TSC22D1: variants seen among roughly 807,000 people sequenced by gnomAD.
TSC22D1 encodes the protein TSC22 domain family member 1, also known as TSC22 domain family protein 1.
TSC22D1 carries 9 observed loss-of-function variants against 74.2 expected under a neutral mutation model. That is an observed-to-expected ratio of 0.12 (90% CI 0.07 to 0.21). TSC22D1 has a LOEUF of 0.21. TSC22D1 is among the 10% of genes least tolerant of loss of function. The pLI, the probability that TSC22D1 is intolerant of heterozygous loss-of-function variation, is 1.00. For missense variants in TSC22D1, 1,427 were observed against 1,304.7 expected (o/e 1.09, Z -1.44); for synonymous variants, 586 against 492.5 (o/e 1.19, Z -2.51).
chr13:44,519,178 A>T (rs1275647638), intron 1 of TSC22D1, among the ~76,000 whole-genome samples: 1 of 152,148 alleles, frequency 6.6e-6, no homozygotes, highest in Admixed American at 6.5e-5. Flanking sequence ...TATCATTGTG[A>T]TCTTATCTTT....
intron 1 of TSC22D1, among the ~76,000 whole-genome samples, chr13:44,471,170 G>A (rs959432463): frequency 4.6e-5 from 7 of 152,028 alleles, no homozygotes; most frequent in African/African-American, 1.7e-4. Context: ...TGTGGTACCT[G>A]TTCAAAAGTA....
At chr13:44,551,664 A>T (rs949502361) in intron 1 of TSC22D1, among the ~76,000 whole-genome samples, 1 of 152,064 alleles carries the variant, frequency 6.6e-6, no homozygotes, top group Non-Finnish European at 1.5e-5. Context: ...CAAGCGATCC[A>T]CCTGCCTTGG....
At chr13:44,470,438 C>T (rs1423265287) in intron 1 of TSC22D1, among the ~76,000 whole-genome samples, 2 of 152,166 alleles carry the variant, frequency 1.3e-5, no homozygotes, top group South Asian at 2.1e-4. Context: ...TGGCCACATC[C>T]TTTATAATTA....
chr13:44,539,135 G>C (rs1881318028), intron 1 of TSC22D1: 1 of 985,124 alleles, frequency 1.0e-6, no homozygotes, highest in African/African-American at 1.7e-5. Context: ...TTTATTCCTA[G>C]GGACTAGAAA....
rs539502255 is a variant in TSC22D1, at chr13:44,504,624, T to A, written c.2913-68529A>T. ...CTCAAAAAAAAAAAAAAAAAAAAAA[T>A]TTTCAAGCAAACTGATAGAAGTAAT... On this transcript the variant is annotated intron_variant, in intron 1 of 2. Coordinates refer to ENST00000458659, the MANE Select transcript of TSC22D1 (RefSeq NM_183422.4). Among the ~76,000 whole-genome samples the A allele has an allele frequency of 8.8e-5, 13 of 147,866 alleles. No individual in the cohort carries two copies. The South Asian group carries it at 1.7e-3, about 19-fold the overall frequency.
intron 1 of TSC22D1, among the ~76,000 whole-genome samples, chr13:44,491,280 G>A (rs370312184): frequency 2.6e-5 from 4 of 152,224 alleles, no homozygotes; most frequent in Non-Finnish European, 2.9e-5. Context: ...GAGGCCGGGC[G>A]CAGTGGCTCA....
chr13:44,546,057 C>T (rs955951068), intron 1 of TSC22D1, among the ~76,000 whole-genome samples: 14 of 152,154 alleles, frequency 9.2e-5, no homozygotes, highest in Middle Eastern at 3.4e-3. Flanking sequence ...AAACCACTTA[C>T]GTTTTGCGAA....
chr13:44,490,095 A>G (rs977103990), intron 1 of TSC22D1, among the ~76,000 whole-genome samples: 3 of 152,252 alleles, frequency 2.0e-5, no homozygotes, highest in African/African-American at 7.2e-5. Context: ...AATATCTATC[A>G]ACAGAATAGA....
rs368356385 is a variant in TSC22D1, at chr13:44,517,804, C to T, written c.2912+55359G>A. 1.6e-4 allele frequency among the ~76,000 whole-genome samples: 7 copies of T among 44,490 alleles called. No individual in the cohort carries two copies. The East Asian group carries it at 2.7e-3, about 17-fold the overall frequency. 29.2% of individuals were successfully genotyped at this position (44,490 alleles called of 152,430 possible). On this transcript the variant is annotated intron_variant, in intron 1 of 2. Transcript: ENST00000458659. ...ACATATATATACATATATATACACA[C>T]ATATATATGTGTGTGTGTGTGTGTG...
At chr13:44,434,962 C>T in intron 2 of TSC22D1, 79 bp from the exon 3 acceptor site, 1 of 1,229,382 alleles carries the variant, frequency 8.1e-7, no homozygotes, top group Non-Finnish European at 1.1e-6. Flanking sequence ...CATTATTTTA[C>T]ATGGATCTCC....
At chr13:44,552,700 G>C (rs913131670) in intron 1 of TSC22D1, among the ~76,000 whole-genome samples, 2 of 152,106 alleles carry the variant, frequency 1.3e-5, no homozygotes, top group Non-Finnish European at 2.9e-5. Flanking sequence ...TAGAAAATAA[G>C]GTGGTAGGCC....
Position 44,507,313 on chromosome 13 carries a change from G to A in TSC22D1, c.2912+65850C>T, listed in dbSNP as rs74452794. On this transcript the variant is annotated intron_variant, in intron 1 of 2. Transcript: ENST00000458659. Reference sequence around the variant, plus strand: ...GAATAACGTTGCTACAGTAGCGCAAGGTTCAAAATGAGGAAGGCTCAAAAA... The same window carrying A: ...GAATAACGTTGCTACAGTAGCGCAAAGTTCAAAATGAGGAAGGCTCAAAAA... Among the ~76,000 whole-genome samples, 686 of 152,194 alleles carry A rather than the reference G, an allele frequency of 4.5e-3. 3 individuals carry two copies. The highest frequency in any genetic ancestry group is 0.016 in the African/African-American group (652 of 41,528).
At chr13:44,456,220 A>T (rs1041872824) in intron 1 of TSC22D1, among the ~76,000 whole-genome samples, 1 of 152,218 alleles carries the variant, frequency 6.6e-6, no homozygotes, top group African/African-American at 2.4e-5. Flanking sequence ...CAGTAAAACA[A>T]CAAAGCTTCC....
chr13:44,547,927 C>T (rs572152935), intron 1 of TSC22D1, among the ~76,000 whole-genome samples: 1 of 152,284 alleles, frequency 6.6e-6, no homozygotes, highest in South Asian at 2.1e-4. Context: ...GTAGCTGGAA[C>T]TACAGGAACT....
At chr13:44,482,579 A>T in intron 1 of TSC22D1, among the ~76,000 whole-genome samples, 1 of 152,166 alleles carries the variant, frequency 6.6e-6, no homozygotes, top group East Asian at 1.9e-4. Context: ...GAGGTTAAAT[A>T]ACCTCAAGTT....
At chr13:44,439,024 T>C (rs569845163) in intron 1 of TSC22D1, among the ~76,000 whole-genome samples, 1 of 152,366 alleles carries the variant, frequency 6.6e-6, no homozygotes, top group Non-Finnish European at 1.5e-5. Context: ...AAAAAATTAC[T>C]AAATTAACTG....
chr13:44,444,658 A>AG (rs1276801855), intron 1 of TSC22D1, among the ~76,000 whole-genome samples: 5 of 152,160 alleles, frequency 3.3e-5, no homozygotes, highest in African/African-American at 7.2e-5. Flanking sequence ...CAATAACATG[A>AG]GATTATCTGA....
chr13:44,523,603 G>A (rs1186041089), intron 1 of TSC22D1, among the ~76,000 whole-genome samples: 1 of 152,182 alleles, frequency 6.6e-6, no homozygotes, highest in Non-Finnish European at 1.5e-5. Context: ...GTGGCTGCCA[G>A]AGCCTGAGGT....
chr13:44,513,432 G>T (rs1283790060), intron 1 of TSC22D1, among the ~76,000 whole-genome samples: 1 of 152,016 alleles, frequency 6.6e-6, no homozygotes, highest in Non-Finnish European at 1.5e-5. Context: ...GAAATGATAG[G>T]TTTTTGTCAT....
Sources: allele counts gnomAD v4.1 joint callset (sites outside exome capture counted in the v4.1 genomes callset), GRCh38; gene constraint gnomAD v4.1.1; transcripts MANE v1.5; gene names NCBI Gene and HGNC (gene_info 2026-07-23, HGNC 2026-07-21).